The following CDC14B variants were observed in gnomAD, a reference collection of about 807,000 sequenced individuals.
The protein encoded by CDC14B is cell division cycle 14B.
CDC14B carries 22 observed loss-of-function variants against 64.2 expected under a neutral mutation model. The ratio of observed to expected loss-of-function variants is 0.34; its 90% CI spans 0.24 to 0.49. CDC14B has a LOEUF of 0.49. Among genes scored for constraint, CDC14B ranks in the 20% least tolerant of loss-of-function variants. CDC14B has a pLI of 0.99. For synonymous variants in CDC14B, 191 were observed against 215.8 expected, an observed-to-expected ratio of 0.89 and a Z score of 1.01; for missense variants, 498 against 629.9, an observed-to-expected ratio of 0.79 and a Z score of 2.24.
chr9:96,494,823 T>TCTCCC (rs10570859), intron 13 of CDC14B, among the ~76,000 whole-genome samples: 33 of 114,362 alleles, frequency 2.9e-4, no homozygotes, highest in African/African-American at 4.8e-4. Context: ...TCCCATCCCG[T>TCTCCC]CTCCCCTCCC....
chr9:96,497,286 AGGCGGGGAGGCAGG>A (rs61229312), downstream of CDC14B, among the ~76,000 whole-genome samples: 25,532 of 151,482 alleles, frequency 0.17, 2,213 homozygotes, highest in Non-Finnish European at 0.18. Context: ...GCGGGGTTAG[AGGCGGGGAGGCAGG>A]GGCGGGGAGG....
chr9:96,539,227 G>GC (rs1564282809), intron 6 of CDC14B, 87 bp from the exon 7 acceptor site: 13 of 922,536 alleles, frequency 1.4e-5, no homozygotes, highest in Admixed American at 6.0e-5. Context: ...AATATCAGGG[G>GC]CCCCCCAAGA....
downstream of CDC14B, among the ~76,000 whole-genome samples, chr9:96,498,061 G>A (rs1007806734): frequency 1.3e-5 from 2 of 152,196 alleles, no homozygotes; most frequent in African/African-American, 4.8e-5. Context: ...GAACACGGAT[G>A]CAGTGCTCTG....
At chr9:96,603,940 C>T (rs1846679679) in intron 1 of CDC14B, among the ~76,000 whole-genome samples, 1 of 152,170 alleles carries the variant, frequency 6.6e-6, no homozygotes, top group Admixed American at 6.6e-5. Flanking sequence ...CCAGTAGATC[C>T]ACCTTGAAAC....
intron 1 of CDC14B, among the ~76,000 whole-genome samples, chr9:96,607,706 AG>A (rs1847062492): frequency 6.6e-6 from 1 of 152,128 alleles, no homozygotes; most frequent in African/African-American, 2.4e-5. Flanking sequence ...TACAGGCGTG[AG>A]CCACCGCGCC....
intron 1 of CDC14B, 74 bp downstream of exon 1, chr9:96,619,145 G>A: frequency 8.6e-7 from 1 of 1,169,030 alleles, no homozygotes; most frequent in Non-Finnish European, 1.1e-6. Context: ...CGGGCAGCCC[G>A]GTGGGAGGTG....
At position 96,619,679 on chromosome 9, in the gene CDC14B, C is replaced by T. The variant is rs1032923102; in HGVS notation, c.-301G>A. ...CAGCCCGCCCCCAGGTGCCCGCAGC[C>T]GGCTGGCGCGGCCGAGGCGACGGGG... On this transcript the variant is annotated 5_prime_UTR_variant, in exon 1 of 14. Transcript: ENST00000375241. 3.4e-4 allele frequency: 51 copies of T among 148,534 alleles called. No individual in the cohort carries two copies. The highest frequency in any genetic ancestry group is 1.2e-3 in the African/African-American group (51 of 41,032). 9.2% of individuals were successfully genotyped at this position (148,534 alleles called of 1,614,324 possible).
At chr9:96,585,567 A>T (rs966832735) in intron 1 of CDC14B, among the ~76,000 whole-genome samples, 3 of 152,224 alleles carry the variant, frequency 2.0e-5, no homozygotes, top group African/African-American at 7.2e-5. Context: ...AACCACAATG[A>T]AATACCACTT....
At chr9:96,527,165 G>A (rs1837685469) in intron 9 of CDC14B, among the ~76,000 whole-genome samples, 1 of 152,166 alleles carries the variant, frequency 6.6e-6, no homozygotes. Context: ...CAGCACTTTG[G>A]GAGGCCGAGG....
In CDC14B at chr9:96,501,792, A is replaced by C. The variant is rs575298016; in HGVS notation, c.*1961T>G. ...CCTTTCTTTTCTTGGACGAAACACC[A>C]GGAGGCTCATTCACCGTGAGGGAGA... On this transcript the variant is annotated 3_prime_UTR_variant, in exon 14 of 14. Transcript: ENST00000375241. 3 of 152,342 alleles carry C rather than the reference A, an allele frequency of 2.0e-5. No homozygotes were observed. The highest frequency in any genetic ancestry group is 4.4e-5 in the Non-Finnish European group (3 of 68,034). 9.4% of individuals were successfully genotyped at this position (152,342 alleles called of 1,614,324 possible). A position where few individuals can be genotyped will look rare whatever the true frequency, so the allele number is the denominator to read the frequency against.
intron 1 of CDC14B, among the ~76,000 whole-genome samples, chr9:96,604,694 A>G (rs1846760337): frequency 6.8e-6 from 1 of 146,702 alleles, no homozygotes; most frequent in Non-Finnish European, 1.5e-5. Context: ...AGGGGGACAG[A>G]GTCTTGCTCT....
chr9:96,503,836 T>C (rs770279628), intron 13 of CDC14B, 47 bp from the exon 14 acceptor site: 4 of 1,482,308 alleles, frequency 2.7e-6, no homozygotes, highest in East Asian at 4.5e-5. Flanking sequence ...TTACACAGCG[T>C]CCACAGGCAG....
chr9:96,618,302 T>G (rs1232568656), intron 1 of CDC14B, among the ~76,000 whole-genome samples: 1 of 152,220 alleles, frequency 6.6e-6, no homozygotes, highest in African/African-American at 2.4e-5. Context: ...GAAAACAGAC[T>G]GCCAATTCCC....
At chr9:96,551,528 G>C (rs916944747) in intron 5 of CDC14B, among the ~76,000 whole-genome samples, 1 of 152,062 alleles carries the variant, frequency 6.6e-6, no homozygotes, top group African/African-American at 2.4e-5. Flanking sequence ...AAGACATTCT[G>C]AGTTTTGACA....
Position 96,608,482 on chromosome 9 carries a change from A to C in CDC14B, c.160+10737T>G, listed in dbSNP as rs567858697. Among the ~76,000 whole-genome samples the C allele has an allele frequency of 3.0e-4, 45 of 152,308 alleles. No individual in the cohort carries two copies. In the East Asian group the frequency reaches 5.0e-3, roughly 17 times the overall value. On this transcript the variant is annotated intron_variant, in intron 1 of 13. Coordinates refer to ENST00000375241, the MANE Select transcript of CDC14B (RefSeq NM_033331.4). ...AACAACTCCCCAAAATTTAAGACCG[A>C]CATTTTAATTCTATTATACATTCAT... is the stretch of plus-strand genomic sequence containing the variant.
At chr9:96,590,366 C>G (rs1318060446) in intron 1 of CDC14B, among the ~76,000 whole-genome samples, 1 of 152,140 alleles carries the variant, frequency 6.6e-6, no homozygotes, top group Non-Finnish European at 1.5e-5. Flanking sequence ...TAGATACATA[C>G]CAGATTTTCT....
downstream of CDC14B, among the ~76,000 whole-genome samples, chr9:96,498,590 A>C (rs961097758): frequency 6.6e-6 from 1 of 152,240 alleles, no homozygotes; most frequent in African/African-American, 2.4e-5. Flanking sequence ...TTACCTGTGC[A>C]TAAAATTATG....
intron 7 of CDC14B, among the ~76,000 whole-genome samples, chr9:96,538,448 AGTGGCACACATCT>A (rs1260760723): frequency 1.3e-5 from 2 of 152,230 alleles, no homozygotes; most frequent in Non-Finnish European, 2.9e-5. Flanking sequence ...GGCCGTGCAC[AGTGGCACACATCT>A]GTGATCCTAG....
intron 9 of CDC14B, among the ~76,000 whole-genome samples, chr9:96,532,990 T>G (rs1838716385): frequency 6.6e-6 from 1 of 152,222 alleles, no homozygotes; most frequent in African/African-American, 2.4e-5. Flanking sequence ...TTCTTCTTTT[T>G]TTTGTTCTGT....
Sources: allele counts gnomAD v4.1 joint callset (sites outside exome capture counted in the v4.1 genomes callset), GRCh38; gene constraint gnomAD v4.1.1; transcripts MANE v1.5; gene names NCBI Gene and HGNC (gene_info 2026-07-23, HGNC 2026-07-21).